PDE1A: variants seen among roughly 807,000 people sequenced by gnomAD.
The protein encoded by PDE1A is dual specificity calcium/calmodulin-dependent 3',5'-cyclic nucleotide phosphodiesterase 1A.
PDE1A carries 35 observed loss-of-function variants against 61.7 expected under a neutral mutation model. The observed-to-expected ratio is 0.57, with a 90% CI of 0.43 to 0.75. The LOEUF (loss-of-function observed/expected upper bound fraction) is 0.75, where lower values mean the gene tolerates loss of function less well. Among genes scored for constraint, PDE1A ranks in the 30% least tolerant of loss-of-function variants. The pLI is 0.00. For missense variants in PDE1A, 597 were observed against 630.6 expected (o/e 0.95, Z 0.57); for synonymous variants, 232 against 213.2 (o/e 1.09, Z -0.77).
chr2:182,317,672 A>C (rs1344460631), intron 1 of PDE1A, among the ~76,000 whole-genome samples: 1 of 152,194 alleles, frequency 6.6e-6, no homozygotes, highest in African/African-American at 2.4e-5. Context: ...AATGTGGACC[A>C]GAAAGTTTTA....
chr2:182,249,993 C>T (rs1691279558), intron 2 of PDE1A, among the ~76,000 whole-genome samples: 1 of 152,154 alleles, frequency 6.6e-6, no homozygotes, highest in Admixed American at 6.5e-5. Flanking sequence ...GTGATTTGTG[C>T]AAAGTCATTC....
chr2:182,351,505 T>G (rs748753790), intron 1 of PDE1A, among the ~76,000 whole-genome samples: 22 of 152,182 alleles, frequency 1.4e-4, no homozygotes, highest in Non-Finnish European at 2.6e-4. Context: ...GCAGTACCAA[T>G]TTAGAGTATC....
chr2:182,503,280 T>A (rs1488178748), intron 2 of PDE1A, among the ~76,000 whole-genome samples: 2 of 152,146 alleles, frequency 1.3e-5, no homozygotes, highest in African/African-American at 4.8e-5. Flanking sequence ...CTATTTTTAA[T>A]TTTGTCCTTC....
intron 1 of PDE1A, among the ~76,000 whole-genome samples, chr2:182,297,876 C>A (rs1404216362): frequency 6.6e-6 from 1 of 152,232 alleles, no homozygotes; most frequent in Non-Finnish European, 1.5e-5. Flanking sequence ...CCCCAGCAAG[C>A]TCCAGCTGAC....
At chr2:182,260,003 A>C (rs1692110448) in intron 2 of PDE1A, among the ~76,000 whole-genome samples, 2 of 152,232 alleles carry the variant, frequency 1.3e-5, no homozygotes, top group South Asian at 4.1e-4. Context: ...CTTTTAAAAA[A>C]TCCAGCAGTC....
chr2:182,223,676 T>A (rs1000765977), intron 7 of PDE1A, among the ~76,000 whole-genome samples, 188 bp downstream of exon 7: 1 of 152,002 alleles, frequency 6.6e-6, no homozygotes, highest in African/African-American at 2.4e-5. Flanking sequence ...CAAAATACTA[T>A]ACACAAGATT....
intron 2 of PDE1A, among the ~76,000 whole-genome samples, chr2:182,518,232 G>C (rs1475269241): frequency 6.6e-6 from 1 of 151,698 alleles, no homozygotes; most frequent in Admixed American, 6.6e-5. Context: ...TGTTTTTTTT[G>C]CTAATTTTTA....
chr2:182,338,454 C>A (rs750542122), intron 1 of PDE1A, among the ~76,000 whole-genome samples: 13 of 152,196 alleles, frequency 8.5e-5, no homozygotes, highest in Non-Finnish European at 1.9e-4. Flanking sequence ...GTAATCAAAA[C>A]CACTTTACTC....
intron 1 of PDE1A, among the ~76,000 whole-genome samples, chr2:182,424,153 C>T (rs1038553779): frequency 6.6e-6 from 1 of 152,026 alleles, no homozygotes; most frequent in Admixed American, 6.6e-5. Flanking sequence ...CCATGTTGCC[C>T]AGGGTAGTCT....
the PDE1A span, among the ~76,000 whole-genome samples, chr2:182,640,585 G>A: frequency 2.0e-5 from 3 of 152,120 alleles, no homozygotes; most frequent in Non-Finnish European, 4.4e-5. Context: ...AATGGTGGAA[G>A]AAGGAGGGTG....
intron 1 of PDE1A, among the ~76,000 whole-genome samples, chr2:182,273,639 T>G (rs1311992074): frequency 1.3e-5 from 2 of 152,120 alleles, no homozygotes; most frequent in East Asian, 3.9e-4. Context: ...GAATTTATCT[T>G]TTCTTTTTTC....
chr2:182,245,139 T>C (rs779363711), intron 2 of PDE1A, among the ~76,000 whole-genome samples: 2 of 152,236 alleles, frequency 1.3e-5, no homozygotes, highest in Non-Finnish European at 2.9e-5. Flanking sequence ...GAGAACTCTG[T>C]ACTATGCTAT....
intron 3 of PDE1A, among the ~76,000 whole-genome samples, chr2:182,239,350 A>G (rs1460306818): frequency 2.0e-5 from 3 of 152,188 alleles, no homozygotes; most frequent in Non-Finnish European, 4.4e-5. Flanking sequence ...TCATGTAATT[A>G]TTTTTTAATC....
At chr2:182,245,798 C>A (rs1690902061) in intron 2 of PDE1A, among the ~76,000 whole-genome samples, 1 of 152,172 alleles carries the variant, frequency 6.6e-6, no homozygotes, top group African/African-American at 2.4e-5. Flanking sequence ...ATGAATAAAG[C>A]TCCTATAAAC....
intron 2 of PDE1A, among the ~76,000 whole-genome samples, chr2:182,445,713 T>C (rs1177037761): frequency 6.6e-6 from 1 of 152,118 alleles, no homozygotes; most frequent in Non-Finnish European, 1.5e-5. Flanking sequence ...GCAATACCAA[T>C]GTAAACATTT....
At chr2:182,525,797 T>G (rs879562142), upstream of PDE1A, among the ~76,000 whole-genome samples, 1 of 152,186 alleles carries the variant, frequency 6.6e-6, no homozygotes, top group African/African-American at 2.4e-5. Flanking sequence ...TTTTAATTCT[T>G]TAGCCAGTAA....
chr2:182,568,181 G>T, the PDE1A span, among the ~76,000 whole-genome samples: 2 of 152,004 alleles, frequency 1.3e-5, no homozygotes, highest in East Asian at 3.9e-4. Flanking sequence ...AATTTAAAAT[G>T]TAACAGTATT....
At chr2:182,382,747 A>G (rs1311772337) in intron 1 of PDE1A, among the ~76,000 whole-genome samples, 1 of 151,336 alleles carries the variant, frequency 6.6e-6, no homozygotes, top group East Asian at 1.9e-4. Flanking sequence ...TTTTGGAGCA[A>G]AATATTCCAG....
chr2:182,608,852 T>G, the PDE1A span, among the ~76,000 whole-genome samples: 8 of 152,358 alleles, frequency 5.3e-5, no homozygotes, highest in African/African-American at 1.9e-4. Flanking sequence ...TGAAGCCAGC[T>G]GGGCTCCTGA....
Sources: gnomAD v4.1 joint callset for allele counts (sites outside exome capture counted in the v4.1 genomes callset) on GRCh38, gnomAD v4.1.1 for gene constraint, MANE v1.5 for transcripts, NCBI Gene and HGNC (gene_info 2026-07-23, HGNC 2026-07-21) for gene names.